The following GATAD2A variants were observed in gnomAD, a reference collection of about 807,000 sequenced individuals.
GATAD2A encodes the protein GATA zinc finger domain containing 2A, also known as transcriptional repressor p66-alpha.
GATAD2A carries 12 observed loss-of-function variants against 68.5 expected under a neutral mutation model. That is an observed-to-expected ratio of 0.18 (90% CI 0.11 to 0.28). The LOEUF (loss-of-function observed/expected upper bound fraction) is 0.28. Among genes scored for constraint, GATAD2A ranks in the 10% least tolerant of loss-of-function variants. The pLI is 1.00. For missense variants in GATAD2A, 755 were observed against 868.5 expected (o/e 0.87, Z 1.64); for synonymous variants, 410 against 375.3 (o/e 1.09, Z -1.07).
intron 1 of GATAD2A, among the ~76,000 whole-genome samples, chr19:19,418,511 T>C (rs1242250175): frequency 2.0e-5 from 3 of 152,190 alleles, no homozygotes; most frequent in Non-Finnish European, 4.4e-5. Flanking sequence ...AGAAAGATCT[T>C]TGTAGCAGTT....
intron 1 of GATAD2A, among the ~76,000 whole-genome samples, chr19:19,429,896 G>A (rs62136978): frequency 6.6e-6 from 1 of 152,082 alleles, no homozygotes; most frequent in Non-Finnish European, 1.5e-5. Context: ...GGTTGATGGG[G>A]CTCTGTGCCT....
At chr19:19,499,207 A>T (rs1055267699) in intron 8 of GATAD2A, among the ~76,000 whole-genome samples, 1 of 151,846 alleles carries the variant, frequency 6.6e-6, no homozygotes, top group Admixed American at 6.6e-5. Context: ...GTCCTGGGGG[A>T]TTTAGGAATA....
intron 3 of GATAD2A, 68 bp from the exon 4 acceptor site, chr19:19,492,510 CTAG>C: frequency 6.2e-7 from 1 of 1,611,012 alleles, no homozygotes; most frequent in Non-Finnish European, 8.5e-7. Context: ...TCAGGTGGAG[CTAG>C]TGATGGCAGG....
At chr19:19,500,983 C>A in intron 8 of GATAD2A, 135 bp from the exon 9 acceptor site, 1 of 773,366 alleles carries the variant, frequency 1.3e-6, no homozygotes, top group Non-Finnish European at 2.1e-6. Context: ...GTCCACATGT[C>A]ATTGGTGCCC....
intron 7 of GATAD2A, among the ~76,000 whole-genome samples, chr19:19,496,975 C>A (rs951024707): frequency 6.6e-6 from 1 of 152,248 alleles, no homozygotes; most frequent in Non-Finnish European, 1.5e-5. Context: ...GGTTCGAGTG[C>A]AGAGAAGATG....
chr19:19,502,676 C>T (rs2060617963), intron 11 of GATAD2A, 150 bp downstream of exon 11: 1 of 628,280 alleles, frequency 1.6e-6, no homozygotes. Context: ...CCCTCTTGCC[C>T]CTAACCAGGA....
chr19:19,455,385 G>C (rs1025366402), intron 1 of GATAD2A, among the ~76,000 whole-genome samples: 2 of 152,110 alleles, frequency 1.3e-5, no homozygotes, highest in African/African-American at 4.8e-5. Flanking sequence ...ACTTACTCGG[G>C]AGGCCGAGGC....
rs201401146 is a variant in GATAD2A, at chr19:19,432,085, C to T, written c.-7+26066C>T. ...CCATCTCCCGGGTTCAAGTGATTCT[C>T]GTGCCTCAGCCTCCCGAGCAGCTGG... is the stretch of plus-strand genomic sequence containing the variant. On this transcript the variant is annotated intron_variant, in intron 1 of 11. Transcript: ENST00000683918. 8.5e-5 allele frequency among the ~76,000 whole-genome samples: 13 copies of T among 152,294 alleles called. No homozygotes were observed. In the East Asian group the frequency reaches 2.1e-3, roughly 25 times the overall value.
At chr19:19,406,773 T>C (rs1005938283) in intron 1 of GATAD2A, among the ~76,000 whole-genome samples, 4 of 152,144 alleles carry the variant, frequency 2.6e-5, no homozygotes, top group Non-Finnish European at 5.9e-5. Context: ...AAGGAAAGGC[T>C]TATGGGCAGG....
At chr19:19,468,500 C>T (rs2058043184) in intron 2 of GATAD2A, among the ~76,000 whole-genome samples, 1 of 152,150 alleles carries the variant, frequency 6.6e-6, no homozygotes, top group Non-Finnish European at 1.5e-5. Context: ...GAGATCTTGA[C>T]CTAGATACAT....
At chr19:19,391,847 G>A (rs1056903557) in intron 1 of GATAD2A, among the ~76,000 whole-genome samples, 3 of 152,084 alleles carry the variant, frequency 2.0e-5, no homozygotes, top group Non-Finnish European at 2.9e-5. Flanking sequence ...GGGAAGTCAG[G>A]GTTTCCTTCC....
chr19:19,467,201 C>A (rs2057937315), intron 2 of GATAD2A, among the ~76,000 whole-genome samples: 1 of 152,122 alleles, frequency 6.6e-6, no homozygotes, highest in Non-Finnish European at 1.5e-5. Flanking sequence ...CGGTGAAACC[C>A]CATCTCTACT....
At chr19:19,422,020 A>G (rs4808197) in intron 1 of GATAD2A, among the ~76,000 whole-genome samples, 1 of 151,974 alleles carries the variant, frequency 6.6e-6, no homozygotes, top group Non-Finnish European at 1.5e-5. Context: ...CTAGGGTTTC[A>G]CCATGTTGGC....
intron 1 of GATAD2A, among the ~76,000 whole-genome samples, chr19:19,452,584 T>TG (rs905415903): frequency 8.6e-5 from 13 of 150,702 alleles, no homozygotes; most frequent in East Asian, 4.0e-4. Context: ...CCCCCAGGCC[T>TG]GGGGGGGTGA....
intron 3 of GATAD2A, 25 bp downstream of exon 3, chr19:19,492,463 C>G: frequency 6.2e-7 from 1 of 1,613,806 alleles, no homozygotes; most frequent in East Asian, 2.2e-5. Context: ...GGCGCTGCCG[C>G]CGGAGCCCCA....
chr19:19,469,386 C>T (rs958935766), intron 2 of GATAD2A, among the ~76,000 whole-genome samples: 22 of 143,870 alleles, frequency 1.5e-4, no homozygotes, highest in African/African-American at 5.3e-4. Context: ...GAGCCAAGAT[C>T]GCGCCACTGC....
intron 1 of GATAD2A, among the ~76,000 whole-genome samples, chr19:19,406,670 T>TC (rs923954091): frequency 3.3e-5 from 5 of 152,184 alleles, no homozygotes; most frequent in African/African-American, 9.7e-5. Context: ...ATTTCTTTTT[T>TC]CCCACCTAGA....
At chr19:19,493,631 C>A (rs2059953173) in intron 4 of GATAD2A, among the ~76,000 whole-genome samples, 1 of 152,160 alleles carries the variant, frequency 6.6e-6, no homozygotes, top group Non-Finnish European at 1.5e-5. Flanking sequence ...CTCAGTGACC[C>A]AGAAAGTAAG....
chr19:19,475,391 A>AT (rs2058606985), intron 2 of GATAD2A, among the ~76,000 whole-genome samples: 1 of 151,904 alleles, frequency 6.6e-6, no homozygotes, highest in Non-Finnish European at 1.5e-5. Flanking sequence ...GCAAGAAGCC[A>AT]TTTTCCCTTT....
Sources: gnomAD v4.1 joint callset for allele counts (sites outside exome capture counted in the v4.1 genomes callset) on GRCh38, gnomAD v4.1.1 for gene constraint, MANE v1.5 for transcripts, NCBI Gene and HGNC (gene_info 2026-07-23, HGNC 2026-07-21) for gene names.